The following FRMPD4 variants were observed in gnomAD, a reference collection of about 807,000 sequenced individuals.
FRMPD4 encodes the protein FERM and PDZ domain-containing protein 4.
Under a neutral mutation model 94.1 loss-of-function variants are expected in FRMPD4, and 22 were observed. The observed-to-expected ratio is 0.23, with a 90% confidence interval of 0.17 to 0.33. The LOEUF (loss-of-function observed/expected upper bound fraction) is 0.33. Among genes scored for constraint, FRMPD4 ranks in the 10% least tolerant of loss-of-function variants. The pLI, the probability that FRMPD4 is intolerant of heterozygous loss-of-function variation, is 1.00. For missense variants in FRMPD4, 1,111 were observed against 1,339.9 expected, an observed-to-expected ratio of 0.83 and a Z score of 2.67; for synonymous variants, 631 against 548.6, an observed-to-expected ratio of 1.15 and a Z score of -2.10.
intron 3 of FRMPD4, among the ~76,000 whole-genome samples, chrX:11,891,938 T>A (rs1601825012): frequency 1.8e-5 from 2 of 112,419 alleles, no homozygotes; most frequent in East Asian, 5.6e-4. Context: ...ATTTGATGAA[T>A]GAATGAATGA....
At chrX:12,268,918 A>G (rs1427747907) in intron 1 of FRMPD4, among the ~76,000 whole-genome samples, 1 of 112,358 alleles carries the variant, frequency 8.9e-6, no homozygotes, top group East Asian at 2.8e-4. Flanking sequence ...TCCACTAGTC[A>G]TAGAATGATC....
chrX:12,526,228 AAGTAT>A (rs2058222155), intron 2 of FRMPD4, among the ~76,000 whole-genome samples: 1 of 111,885 alleles, frequency 8.9e-6, no homozygotes, highest in Admixed American at 9.4e-5. Context: ...CAATTCATCA[AAGTAT>A]AGTCTGTCTG....
chrX:11,962,116 T>C (rs1039508830), intron 3 of FRMPD4, among the ~76,000 whole-genome samples: 1 of 112,391 alleles, frequency 8.9e-6, no homozygotes, highest in African/African-American at 3.2e-5. Flanking sequence ...CCTAGTCCAT[T>C]CCTACTGCTA....
At chrX:11,997,071 G>A (rs760024009) in intron 3 of FRMPD4, among the ~76,000 whole-genome samples, 143 of 111,334 alleles carry the variant, frequency 1.3e-3, no homozygotes, top group Non-Finnish European at 2.1e-3. Context: ...GCATGGCGTT[G>A]AGAATTAGCC....
chrX:12,501,705 A>C (rs73438751), intron 2 of FRMPD4, among the ~76,000 whole-genome samples: 3,805 of 111,461 alleles, frequency 0.034, 155 homozygotes, highest in African/African-American at 0.11. Context: ...AACCCCCATC[A>C]GACAATTGTT....
intron 1 of FRMPD4, chrX:12,374,801 A>G (rs1176365097): frequency 1.8e-5 from 2 of 111,480 alleles, no homozygotes; most frequent in African/African-American, 6.5e-5. Flanking sequence ...GGTAGTCAAC[A>G]TCACCTGTGC....
At chrX:12,505,099 A>G (rs1181189719) in intron 2 of FRMPD4, among the ~76,000 whole-genome samples, 1 of 111,868 alleles carries the variant, frequency 8.9e-6, no homozygotes, top group Non-Finnish European at 1.9e-5. Context: ...TCCATTCAGT[A>G]TCACAGGGAT....
intron 4 of FRMPD4, among the ~76,000 whole-genome samples, chrX:12,654,014 G>A (rs1223200780): frequency 5.4e-5 from 6 of 111,802 alleles, no homozygotes; most frequent in African/African-American, 1.6e-4. Context: ...CAGGTGATTT[G>A]CCCACCTCGG....
intron 1 of FRMPD4, among the ~76,000 whole-genome samples, chrX:12,149,445 G>C (rs764170581): frequency 6.3e-5 from 7 of 111,681 alleles, no homozygotes; most frequent in African/African-American, 2.0e-4. Context: ...GGCTTTGAGA[G>C]GTTCAAGACT....
intron 5 of FRMPD4, among the ~76,000 whole-genome samples, chrX:12,676,403 T>C (rs1256201323): frequency 3.5e-5 from 4 of 113,035 alleles, no homozygotes; most frequent in African/African-American, 9.6e-5. Flanking sequence ...AATGTAAATG[T>C]CTATAATAAG....
intron 1 of FRMPD4, among the ~76,000 whole-genome samples, chrX:12,322,811 A>G (rs1205486818): frequency 8.9e-6 from 1 of 111,973 alleles, no homozygotes; most frequent in Non-Finnish European, 1.9e-5. Context: ...GGAATGCCTT[A>G]TATAAATATT....
At chrX:12,284,955 T>C (rs770452252) in intron 1 of FRMPD4, among the ~76,000 whole-genome samples, 15 of 112,082 alleles carry the variant, frequency 1.3e-4, no homozygotes, top group Non-Finnish European at 2.1e-4. Context: ...CTACGTGAGC[T>C]AATTTATGTA....
intron 2 of FRMPD4, among the ~76,000 whole-genome samples, chrX:12,598,889 A>G (rs2059057778): frequency 8.9e-6 from 1 of 112,003 alleles, no homozygotes; most frequent in Middle Eastern, 4.6e-3. Flanking sequence ...TTATTTACGT[A>G]AAGATTATAG....
intron 3 of FRMPD4, among the ~76,000 whole-genome samples, chrX:11,920,397 C>T (rs939315325): frequency 8.9e-6 from 1 of 111,780 alleles, no homozygotes; most frequent in African/African-American, 3.3e-5. Flanking sequence ...CCTTCCTTTC[C>T]CATCTCTACT....
intron 1 of FRMPD4, among the ~76,000 whole-genome samples, chrX:12,185,893 G>A (rs2056418965): frequency 9.0e-6 from 1 of 111,470 alleles, no homozygotes; most frequent in Non-Finnish European, 1.9e-5. Flanking sequence ...AATCACTGCT[G>A]TCAAGTCCAG....
chrX:12,587,157 A>G (rs754604355), intron 2 of FRMPD4, among the ~76,000 whole-genome samples: 2 of 110,176 alleles, frequency 1.8e-5, no homozygotes, highest in Non-Finnish European at 3.8e-5. Context: ...TTGTATTTTT[A>G]GTAGAGACAG....
intron 1 of FRMPD4, among the ~76,000 whole-genome samples, chrX:12,427,481 C>T (rs763730118): frequency 1.8e-5 from 2 of 111,216 alleles, no homozygotes; most frequent in Non-Finnish European, 3.8e-5. Flanking sequence ...GCTAGGAGAA[C>T]AGGACAATGC....
At chrX:12,474,526 G>GT (rs2057566434) in intron 1 of FRMPD4, among the ~76,000 whole-genome samples, 1 of 111,569 alleles carries the variant, frequency 9.0e-6, no homozygotes, top group South Asian at 3.8e-4. Flanking sequence ...CCAGGAGCTG[G>GT]TTTTTTGAAA....
At chrX:12,429,614 CTTA>C (rs922267747) in intron 1 of FRMPD4, among the ~76,000 whole-genome samples, 9 of 111,978 alleles carry the variant, frequency 8.0e-5, no homozygotes, top group African/African-American at 2.9e-4. Context: ...TGTCCTGTTT[CTTA>C]TTATTGTTTT....
Sources: allele counts gnomAD v4.1 joint callset (sites outside exome capture counted in the v4.1 genomes callset), GRCh38; gene constraint gnomAD v4.1.1; transcripts MANE v1.5; gene names NCBI Gene and HGNC (gene_info 2026-07-23, HGNC 2026-07-21).